The following PTPN22 variants were observed in gnomAD, a reference collection of about 807,000 sequenced individuals.
The protein encoded by PTPN22 is tyrosine-protein phosphatase non-receptor type 22.
A neutral mutation model predicts 103.3 loss-of-function variants in PTPN22; 85 were observed. That is an observed-to-expected ratio of 0.82 (90% CI 0.69 to 0.99). PTPN22 has a LOEUF of 0.99. PTPN22 is among the 50% of genes least tolerant of loss of function. The pLI is 0.00. For synonymous variants in PTPN22, 323 were observed against 310.2 expected, an observed-to-expected ratio of 1.04 and a Z score of -0.43; for missense variants, 865 against 936.9, an observed-to-expected ratio of 0.92 and a Z score of 1.00.
intron 10 of PTPN22, among the ~76,000 whole-genome samples, chr1:113,851,389 G>T (rs1664555488): frequency 6.6e-6 from 1 of 151,978 alleles, no homozygotes; most frequent in Non-Finnish European, 1.5e-5. Flanking sequence ...CCTGACCTCA[G>T]GTGATCCACC....
chr1:113,832,568 T>C (rs1278700730), intron 16 of PTPN22, among the ~76,000 whole-genome samples: 2 of 152,214 alleles, frequency 1.3e-5, no homozygotes, highest in Non-Finnish European at 2.9e-5. Flanking sequence ...CTCAAATTCC[T>C]GGCAAAGCCC....
rs1404154026 is a variant in PTPN22 at position 113,856,381 on chromosome 1, C to T, written c.540+1G>A. ...GTTTATCATTCTTATTTTATACTTA[C>T]ACTATTGAACTTAACTTTTAGAGTC... On this transcript the variant is annotated splice_donor_variant, in intron 7 of 20. Coordinates refer to ENST00000359785, the Ensembl canonical transcript of PTPN22. LOFTEE classifies it high-confidence loss of function. The T allele has an allele frequency of 6.4e-7, 1 of 1,561,804 alleles. No individual in the cohort carries two copies. The highest frequency in any genetic ancestry group is 8.7e-7 in the Non-Finnish European group (1 of 1,153,140).
intron 20 of PTPN22, among the ~76,000 whole-genome samples, chr1:113,817,577 A>T (rs1558012441): frequency 6.6e-6 from 1 of 152,012 alleles, no homozygotes; most frequent in Non-Finnish European, 1.5e-5. Flanking sequence ...AGCTGGGACT[A>T]CAGGCACATG....
chr1:113,842,458 G>A (rs540512695), intron 11 of PTPN22, among the ~76,000 whole-genome samples: 92 of 151,920 alleles, frequency 6.1e-4, no homozygotes, highest in African/African-American at 1.7e-3. Context: ...GGCGGATCAC[G>A]AAGTCAAGAG....
intron 1 of PTPN22, 99 bp downstream of exon 1, chr1:113,871,438 A>C (rs1666572303): frequency 1.1e-6 from 1 of 938,846 alleles, no homozygotes; most frequent in African/African-American, 1.6e-5. Flanking sequence ...TCTCATATTT[A>C]CTTTATCCCA....
At chr1:113,863,319 T>G (rs964953593) in intron 1 of PTPN22, among the ~76,000 whole-genome samples, 3 of 152,154 alleles carry the variant, frequency 2.0e-5, no homozygotes, top group African/African-American at 7.2e-5. Flanking sequence ...TCTTGAACTC[T>G]TGACCTCAAG....
At chr1:113,843,896 T>A (rs989597893) in intron 11 of PTPN22, among the ~76,000 whole-genome samples, 2 of 152,200 alleles carry the variant, frequency 1.3e-5, no homozygotes, top group East Asian at 3.8e-4. Context: ...AAATTATCTA[T>A]GTCATGCTGA....
At chr1:113,826,319 T>C (rs1017495268) in intron 18 of PTPN22, among the ~76,000 whole-genome samples, 1 of 148,608 alleles carries the variant, frequency 6.7e-6, no homozygotes, top group Non-Finnish European at 1.5e-5. Flanking sequence ...CACTCTAGCA[T>C]GGGCAACAGA....
chr1:113,817,992 G>A (rs1404036564), intron 20 of PTPN22, among the ~76,000 whole-genome samples: 1 of 143,320 alleles, frequency 7.0e-6, no homozygotes, highest in African/African-American at 2.6e-5. Context: ...GTCTTGCTAT[G>A]TTGCCCAGAC....
intron 10 of PTPN22, among the ~76,000 whole-genome samples, chr1:113,851,010 C>T (rs574961186): frequency 9.9e-5 from 15 of 152,132 alleles, no homozygotes; most frequent in Admixed American, 9.2e-4. Flanking sequence ...TAAAACTATT[C>T]GTGTAGAAAT....
At chr1:113,844,802 AT>A (rs1416156516) in intron 11 of PTPN22, among the ~76,000 whole-genome samples, 6 of 151,700 alleles carry the variant, frequency 4.0e-5, no homozygotes, top group Admixed American at 6.6e-5. Context: ...TCTGTTACTG[AT>A]TTTTTTCTTT....
intron 1 of PTPN22, among the ~76,000 whole-genome samples, chr1:113,868,524 A>G (rs1162078285): frequency 6.6e-6 from 1 of 152,166 alleles, no homozygotes; most frequent in Non-Finnish European, 1.5e-5. Flanking sequence ...AAAGCTCTCT[A>G]TCTGGTGTCT....
intron 1 of PTPN22, among the ~76,000 whole-genome samples, chr1:113,870,306 A>C (rs1666471556): frequency 6.6e-6 from 1 of 152,210 alleles, no homozygotes; most frequent in Non-Finnish European, 1.5e-5. Flanking sequence ...GTGAAAAAAA[A>C]TCATGATTTA....
rs1665323303 is a variant in PTPN22 at position 113,858,936 on chromosome 1, G to A, written c.273+66C>T. The stretch of plus-strand genomic sequence containing the variant: ...TTACAGGCATGAGCCACTGAGTCCA[G>A]CCAGCCCTCCCCTTTTTTTGGGTAT... On this transcript the variant is annotated intron_variant, in intron 3 of 20. Transcript: ENST00000359785. 1.4e-5 allele frequency: 22 copies of A among 1,561,498 alleles called. No homozygotes were observed. The South Asian group carries it at 2.4e-4, about 17-fold the overall frequency.
intron 19 of PTPN22, among the ~76,000 whole-genome samples, chr1:113,821,025 A>C (rs1661549978): frequency 6.6e-6 from 1 of 151,158 alleles, no homozygotes. Context: ...TATAAGTATA[A>C]AATACTATTC....
At chr1:113,856,390 A>G (rs1665074423) in exon 7 of PTPN22, 2 of 1,570,386 alleles carry the variant, frequency 1.3e-6, no homozygotes, top group Admixed American at 3.8e-5. Flanking sequence ...ACACTATTGA[A>G]CTTAACTTTT....
intron 16 of PTPN22, among the ~76,000 whole-genome samples, 187 bp from the exon 17 acceptor site, chr1:113,830,216 C>T (rs1036251246): frequency 6.6e-6 from 1 of 152,066 alleles, no homozygotes; most frequent in Non-Finnish European, 1.5e-5. Context: ...GCCTATGAGC[C>T]TATGATTCAT....
intron 1 of PTPN22, among the ~76,000 whole-genome samples, chr1:113,866,584 A>G (rs1293937075): frequency 6.6e-6 from 1 of 152,222 alleles, no homozygotes; most frequent in Non-Finnish European, 1.5e-5. Flanking sequence ...ATGCTGCATC[A>G]TCAACTATTA....
exon 13 of PTPN22, chr1:113,837,614 A>G: frequency 6.3e-7 from 1 of 1,588,496 alleles, no homozygotes; most frequent in Non-Finnish European, 8.6e-7. Context: ...TCCTGGTTCA[A>G]TAGTGAGGAA....
Sources: gnomAD v4.1 joint callset for allele counts (sites outside exome capture counted in the v4.1 genomes callset) on GRCh38, gnomAD v4.1.1 for gene constraint, MANE v1.5 for transcripts, NCBI Gene and HGNC (gene_info 2026-07-23, HGNC 2026-07-21) for gene names.